The following SHISA9 variants were observed in gnomAD, a reference collection of about 807,000 sequenced individuals.
The protein encoded by SHISA9 is protein shisa-9.
SHISA9 carries 13 observed loss-of-function variants against 38.0 expected under a neutral mutation model. The ratio of observed to expected loss-of-function variants is 0.34; its 90% CI spans 0.22 to 0.54. The LOEUF (loss-of-function observed/expected upper bound fraction) is 0.54, where lower values mean the gene tolerates loss of function less well. SHISA9 is among the 20% of genes least tolerant of loss of function. The pLI, the probability that SHISA9 is intolerant of heterozygous loss-of-function variation, is 0.91. For synonymous variants in SHISA9, 275 were observed against 242.0 expected (o/e 1.14, Z -1.27); for missense variants, 538 against 575.8 (o/e 0.93, Z 0.67).
At chr16:13,542,777 A>C in the SHISA9 span, among the ~76,000 whole-genome samples, 1 of 152,182 alleles carries the variant, frequency 6.6e-6, no homozygotes. Context: ...GGATTTGTTG[A>C]CTGATGAAAT....
At chr16:13,243,437 T>A (rs2051449554), downstream of SHISA9, among the ~76,000 whole-genome samples, 1 of 152,048 alleles carries the variant, frequency 6.6e-6, no homozygotes, top group Non-Finnish European at 1.5e-5. Context: ...GCAGGACAAC[T>A]CAAAGTGGGG....
chr16:13,230,575 G>T (rs1029555869), intron 4 of SHISA9, among the ~76,000 whole-genome samples: 7 of 152,144 alleles, frequency 4.6e-5, no homozygotes, highest in Admixed American at 6.5e-5. Flanking sequence ...TCTGAGTAAT[G>T]TTGCTGGGTT....
At chr16:12,953,731 C>T (rs2071790856) in intron 2 of SHISA9, among the ~76,000 whole-genome samples, 3 of 152,306 alleles carry the variant, frequency 2.0e-5, no homozygotes, top group South Asian at 4.1e-4. Context: ...CTATAAAATT[C>T]TACCTGAGAG....
chr16:13,235,622 T>C lies in SHISA9; in HGVS notation c.*213T>C, dbSNP rs1424465849. Reference sequence around the variant, plus strand: ...CGGGCAGCTGAGAAAGACCGAAGCGTGGACATTCAGCAATACAGCAAAGGG... The same window carrying C: ...CGGGCAGCTGAGAAAGACCGAAGCGCGGACATTCAGCAATACAGCAAAGGG... On this transcript the variant is annotated 3_prime_UTR_variant, in exon 5 of 5. Transcript: ENST00000558583. 1 of 602,426 alleles carries C rather than the reference T, an allele frequency of 1.7e-6. No individual in the cohort carries two copies. The highest frequency in any genetic ancestry group is 2.9e-5 in the East Asian group (1 of 34,504). The allele number at this position is 602,426 out of a possible 1,614,324, so 37.3% of individuals were successfully genotyped here.
At chr16:13,363,009 C>A in the SHISA9 span, among the ~76,000 whole-genome samples, 1 of 152,162 alleles carries the variant, frequency 6.6e-6, no homozygotes, top group Non-Finnish European at 1.5e-5. Context: ...AGATTGCTAT[C>A]CCTTTGGGAA....
chr16:12,970,265 C>A (rs1160263801), intron 2 of SHISA9, among the ~76,000 whole-genome samples: 1 of 141,176 alleles, frequency 7.1e-6, no homozygotes, highest in Non-Finnish European at 1.5e-5. Context: ...GCTGGAAAAA[C>A]TGGATTGCCA....
At chr16:13,047,916 T>C (rs1279210340) in intron 2 of SHISA9, among the ~76,000 whole-genome samples, 1 of 152,182 alleles carries the variant, frequency 6.6e-6, no homozygotes, top group African/African-American at 2.4e-5. Flanking sequence ...TGTCCCTTCA[T>C]GTAGAGGGAC....
Position 13,019,882 on chromosome 16 carries a change from CCCTTCTTTCTTTCTTTCTTTCTTT to C in SHISA9, c.691+103069_691+103092del, listed in dbSNP as rs1255318041. On this transcript the variant is annotated intron_variant, in intron 2 of 4. Coordinates refer to ENST00000558583, the MANE Select transcript of SHISA9 (RefSeq NM_001145204.3). ...TCCCTCCCTCCCTCCCTCCCTCCCT[CCCTTCTTTCTTTCTTTCTTTCTTT>C]CTTTCTTTCTTTCTTTCTTTCTTTC... 6.4e-3 allele frequency among the ~76,000 whole-genome samples: 130 copies of C among 20,364 alleles called. 6 individuals are homozygous for C. The highest frequency in any genetic ancestry group is 0.017 in the Admixed American group (35 of 2,094). 13.4% of individuals were successfully genotyped at this position (20,364 alleles called of 152,430 possible).
intron 4 of SHISA9, 96 bp downstream of exon 4, chr16:13,213,396 G>A: frequency 2.7e-6 from 3 of 1,121,222 alleles, no homozygotes; most frequent in South Asian, 1.4e-5. Context: ...TGTGTGACCT[G>A]TGCACATGTG....
At position 13,095,558 on chromosome 16, in the gene SHISA9, A is replaced by G. The variant is rs1040499015; in HGVS notation, c.692-107836A>G. ...TTCTAGCTCCCATGACTCTTAGAAT[A>G]ATATTTGCCACATATGAAGGAAAAG... On this transcript the variant is annotated intron_variant, in intron 2 of 4. Coordinates refer to ENST00000558583, the MANE Select transcript of SHISA9 (RefSeq NM_001145204.3). 9.8e-5 allele frequency among the ~76,000 whole-genome samples: 15 copies of G among 152,358 alleles called. No homozygotes were observed. In the South Asian group the frequency reaches 3.1e-3, roughly 32 times the overall value.
intron 2 of SHISA9, among the ~76,000 whole-genome samples, chr16:13,132,809 T>G (rs2141988542): frequency 6.6e-6 from 1 of 152,136 alleles, no homozygotes; most frequent in East Asian, 1.9e-4. Flanking sequence ...GGAGAAAAAT[T>G]CTGGGAAAAA....
At chr16:13,375,032 C>G in the SHISA9 span, among the ~76,000 whole-genome samples, 2 of 151,972 alleles carry the variant, frequency 1.3e-5, no homozygotes, top group African/African-American at 4.8e-5. Context: ...GATTTTTTCT[C>G]GTAAATTTGT....
Position 12,996,531 on chromosome 16 carries a change from G to T in SHISA9, c.691+79716G>T, listed in dbSNP as rs2072459454. On this transcript the variant is annotated intron_variant, in intron 2 of 4. Coordinates refer to ENST00000558583, the MANE Select transcript of SHISA9 (RefSeq NM_001145204.3). ...CCACTTTACCAGCATGGCCCCCAGG[G>T]TGACTACATTGCACATCTCCACTCC... is the stretch of plus-strand genomic sequence containing the variant. Among the ~76,000 whole-genome samples, 5 of 152,290 alleles carry T rather than the reference G, an allele frequency of 3.3e-5. 1 individual carries two copies. In the South Asian group the frequency reaches 1.0e-3, roughly 32 times the overall value.
rs2051374376 is a variant in SHISA9 at position 13,235,486 on chromosome 16, C to T, written c.*77C>T. ...AAAACAACCCCGCCCACACCCTCCC[C>T]ATCCTCCCCTAATACATGCGTCCAC... On this transcript the variant is annotated 3_prime_UTR_variant, in exon 5 of 5. Transcript: ENST00000558583. 23 of 1,436,680 alleles carry T rather than the reference C, an allele frequency of 1.6e-5. No homozygotes were observed. The highest frequency in any genetic ancestry group is 2.1e-5 in the Non-Finnish European group (23 of 1,087,996). The allele number at this position is 1,436,680 out of a possible 1,614,324, so 89.0% of individuals were successfully genotyped here. A position where few individuals can be genotyped will look rare whatever the true frequency, so the allele number is the denominator to read the frequency against.
intron 2 of SHISA9, among the ~76,000 whole-genome samples, chr16:13,003,512 T>C (rs770872685): frequency 1.3e-5 from 2 of 152,134 alleles, no homozygotes; most frequent in African/African-American, 4.8e-5. Flanking sequence ...AGTCCCATTA[T>C]AGGGCAGAGG....
At chr16:13,244,270 G>C (rs2051456394), downstream of SHISA9, among the ~76,000 whole-genome samples, 1 of 152,050 alleles carries the variant, frequency 6.6e-6, no homozygotes, top group African/African-American at 2.4e-5. Flanking sequence ...ACTCACATTT[G>C]TGATATGGTA....
chr16:13,351,442 T>A, the SHISA9 span, among the ~76,000 whole-genome samples: 2 of 152,094 alleles, frequency 1.3e-5, no homozygotes, highest in Admixed American at 1.3e-4. Flanking sequence ...AGCAGAAGGA[T>A]GAACTGAGGA....
intron 2 of SHISA9, among the ~76,000 whole-genome samples, chr16:12,972,395 T>A (rs1230007248): frequency 6.6e-6 from 1 of 152,012 alleles, no homozygotes; most frequent in Admixed American, 6.6e-5. Flanking sequence ...GTGGGTTGGG[T>A]CATCTTCCTC....
the SHISA9 span, among the ~76,000 whole-genome samples, chr16:13,452,594 C>T: frequency 1.3e-5 from 2 of 152,278 alleles, no homozygotes; most frequent in South Asian, 4.1e-4. Flanking sequence ...TCTCTGCATC[C>T]TCTTCCTACT....
Sources: allele counts gnomAD v4.1 joint callset (sites outside exome capture counted in the v4.1 genomes callset), GRCh38; gene constraint gnomAD v4.1.1; transcripts MANE v1.5; gene names NCBI Gene and HGNC (gene_info 2026-07-23, HGNC 2026-07-21).